Variants in LRRC3B observed in about 807,000 individuals in gnomAD.
LRRC3B encodes the protein leucine-rich repeat-containing protein 3B.
A neutral mutation model predicts 12.8 loss-of-function variants in LRRC3B; 2 were observed. The observed-to-expected ratio is 0.16, with a 90% confidence interval of 0.06 to 0.49. The LOEUF is 0.49. Among genes scored for constraint, LRRC3B ranks in the 20% least tolerant of loss-of-function variants. The probability of loss-of-function intolerance (pLI) is 0.96; values close to 1 mark genes in which losing one functional copy is unlikely to be tolerated. For missense variants in LRRC3B, 189 were observed against 319.4 expected (o/e 0.59, Z 3.11); for synonymous variants, 132 against 122.0 (o/e 1.08, Z -0.54).
chr3:26,677,951 C>A (rs1248018783), intron 1 of LRRC3B, among the ~76,000 whole-genome samples: 2 of 152,014 alleles, frequency 1.3e-5, no homozygotes, highest in Admixed American at 1.3e-4. Flanking sequence ...AGGCATGTGC[C>A]AACATGCTTG....
chr3:26,672,694 G>C (rs572842183), intron 1 of LRRC3B, among the ~76,000 whole-genome samples: 1 of 152,152 alleles, frequency 6.6e-6, no homozygotes, highest in Non-Finnish European at 1.5e-5. Context: ...GCTCCAATTA[G>C]AGTGGCTATG....
intron 1 of LRRC3B, among the ~76,000 whole-genome samples, chr3:26,635,595 C>G (rs1339808919): frequency 6.6e-6 from 1 of 152,216 alleles, no homozygotes; most frequent in African/African-American, 2.4e-5. Context: ...CAGGCATCAA[C>G]CCTGCTGGTA....
intron 1 of LRRC3B, among the ~76,000 whole-genome samples, chr3:26,636,072 A>G (rs888258177): frequency 6.6e-6 from 1 of 152,230 alleles, no homozygotes. Context: ...AAATACAGTC[A>G]GCATGCTTTC....
At chr3:26,662,978 A>T (rs905029479) in intron 1 of LRRC3B, among the ~76,000 whole-genome samples, 1 of 152,082 alleles carries the variant, frequency 6.6e-6, no homozygotes, top group African/African-American at 2.4e-5. Context: ...CCTTCTGGGA[A>T]TCAAGAGATT....
intron 1 of LRRC3B, among the ~76,000 whole-genome samples, chr3:26,707,949 C>T (rs186969940): frequency 2.6e-4 from 39 of 152,244 alleles, no homozygotes; most frequent in Admixed American, 2.6e-4. Flanking sequence ...TTAAGGGACT[C>T]GACTCAGTTT....
chr3:26,673,696 T>C (rs1357255125), intron 1 of LRRC3B, among the ~76,000 whole-genome samples: 1 of 152,210 alleles, frequency 6.6e-6, no homozygotes, highest in Non-Finnish European at 1.5e-5. Flanking sequence ...TCTTACTGTG[T>C]CATATGCCCT....
At chr3:26,680,339 C>T (rs1699946106) in intron 1 of LRRC3B, among the ~76,000 whole-genome samples, 1 of 152,086 alleles carries the variant, frequency 6.6e-6, no homozygotes. Context: ...TTAAGTTGTG[C>T]TTTTGGAATA....
At chr3:26,663,329 C>T (rs1046770615) in intron 1 of LRRC3B, among the ~76,000 whole-genome samples, 4 of 152,094 alleles carry the variant, frequency 2.6e-5, no homozygotes, top group Non-Finnish European at 2.9e-5. Flanking sequence ...CCCCCCACCC[C>T]AATACACACA....
chr3:26,682,468 G>T (rs1699991218), intron 1 of LRRC3B, among the ~76,000 whole-genome samples: 1 of 152,226 alleles, frequency 6.6e-6, no homozygotes, highest in Non-Finnish European at 1.5e-5. Context: ...TGCTTTGGTT[G>T]CTGTCTCAAG....
intron 1 of LRRC3B, among the ~76,000 whole-genome samples, chr3:26,645,432 A>T (rs6802438): frequency 0.26 from 39,269 of 151,960 alleles, 5,827 homozygotes; most frequent in African/African-American, 0.41. Context: ...CAGCAAAGAT[A>T]GTTCATAGTG....
chr3:26,685,534 TA>T (rs1367100008), intron 1 of LRRC3B, among the ~76,000 whole-genome samples: 47 of 62,422 alleles, frequency 7.5e-4, no homozygotes, highest in Non-Finnish European at 1.5e-3. Flanking sequence ...TATATATATA[TA>T]TATATATATA....
intron 1 of LRRC3B, among the ~76,000 whole-genome samples, chr3:26,699,047 TTTTTTA>T (rs1357842766): frequency 1.3e-5 from 2 of 152,116 alleles, no homozygotes; most frequent in South Asian, 2.1e-4. Context: ...GTTTTGTTTA[TTTTTTA>T]TTTTTGTTTT....
intron 1 of LRRC3B, among the ~76,000 whole-genome samples, chr3:26,702,853 A>T (rs186006357): frequency 4.6e-5 from 7 of 152,208 alleles, no homozygotes; most frequent in Admixed American, 3.9e-4. Flanking sequence ...AACTTCAAGA[A>T]ATCGGGAGGG....
At chr3:26,640,846 G>A (rs1186158928) in intron 1 of LRRC3B, among the ~76,000 whole-genome samples, 2 of 152,178 alleles carry the variant, frequency 1.3e-5, no homozygotes, top group African/African-American at 4.8e-5. Context: ...GGAATCCTGA[G>A]TTGATCCAGG....
Position 26,647,334 on chromosome 3 carries a change from C to T in LRRC3B, c.-161+24097C>T, listed in dbSNP as rs866475456. ...ATATTGTCAGCCTCTCTCTCTCAAC[C>T]CAGAGATCCTGGGAGCAGAGACCGT... is the stretch of plus-strand genomic sequence containing the variant. On this transcript the variant is annotated intron_variant, in intron 1 of 1. Coordinates refer to ENST00000396641, the Ensembl canonical transcript of LRRC3B. 1.5e-4 allele frequency among the ~76,000 whole-genome samples: 23 copies of T among 152,236 alleles called. No homozygotes were observed. In the South Asian group the frequency reaches 4.6e-3, roughly 30 times the overall value.
At chr3:26,690,626 T>G (rs1454455563) in intron 1 of LRRC3B, among the ~76,000 whole-genome samples, 1 of 152,166 alleles carries the variant, frequency 6.6e-6, no homozygotes. Flanking sequence ...GAACTTCGAC[T>G]AACTGCACAG....
chr3:26,693,403 C>A (rs192422588), intron 1 of LRRC3B, among the ~76,000 whole-genome samples: 1 of 148,946 alleles, frequency 6.7e-6, no homozygotes, highest in African/African-American at 2.4e-5. Flanking sequence ...AGGATCAGAA[C>A]TGGCATAGTG....
At chr3:26,681,589 C>T (rs949145646) in intron 1 of LRRC3B, among the ~76,000 whole-genome samples, 2 of 152,148 alleles carry the variant, frequency 1.3e-5, no homozygotes, top group African/African-American at 2.4e-5. Context: ...TGATTCATAT[C>T]TTTCAGGGTA....
At chr3:26,693,261 G>A (rs1162898581) in intron 1 of LRRC3B, among the ~76,000 whole-genome samples, 7 of 146,898 alleles carry the variant, frequency 4.8e-5, no homozygotes, top group Non-Finnish European at 7.4e-5. Context: ...CCCGGGAGGC[G>A]GAGCTTGCAG....
Sources: allele counts gnomAD v4.1 joint callset (sites outside exome capture counted in the v4.1 genomes callset), GRCh38; gene constraint gnomAD v4.1.1; transcripts MANE v1.5; gene names NCBI Gene and HGNC (gene_info 2026-07-23, HGNC 2026-07-21).